ADARB2: variants seen among roughly 807,000 people sequenced by gnomAD.
ADARB2 encodes inactive double-stranded RNA-specific editase B2.
A neutral mutation model predicts 62.2 loss-of-function variants in ADARB2; 25 were observed. The observed-to-expected ratio is 0.40, with a 90% CI of 0.29 to 0.56. ADARB2 has a LOEUF of 0.56. ADARB2 is among the 20% of genes least tolerant of loss of function. ADARB2 has a pLI of 0.43. For missense variants in ADARB2, 1,071 were observed against 1,077.4 expected (o/e 0.99, Z 0.08); for synonymous variants, 572 against 500.8 (o/e 1.14, Z -1.90).
At chr10:1,306,313 C>T (rs1831628207) in intron 3 of ADARB2, among the ~76,000 whole-genome samples, 1 of 151,942 alleles carries the variant, frequency 6.6e-6, no homozygotes, top group South Asian at 2.1e-4. Flanking sequence ...TTCACAATTG[C>T]TTCAAAGACA....
At chr10:1,187,926 T>C (rs79072071) in intron 8 of ADARB2, 4,227 of 342,928 alleles carry the variant, frequency 0.012, 185 homozygotes, top group African/African-American at 0.08. Flanking sequence ...TCACCTGTGA[T>C]GACGTAAATC....
chr10:1,316,897 T>C (rs903310811), intron 3 of ADARB2, among the ~76,000 whole-genome samples: 1 of 152,240 alleles, frequency 6.6e-6, no homozygotes, highest in African/African-American at 2.4e-5. Flanking sequence ...TCCGGAGGCA[T>C]AAGGTTGCAG....
chr10:1,634,528 G>A (rs1172634051), intron 1 of ADARB2, among the ~76,000 whole-genome samples: 1 of 152,160 alleles, frequency 6.6e-6, no homozygotes, highest in East Asian at 1.9e-4. Flanking sequence ...GGAAGGATGT[G>A]TTTCTTCTGG....
intron 6 of ADARB2, among the ~76,000 whole-genome samples, chr10:1,226,295 C>A (rs1830744618): frequency 6.6e-6 from 1 of 152,146 alleles, no homozygotes; most frequent in Non-Finnish European, 1.5e-5. Context: ...ATTGGTTATT[C>A]AGTTATCCAT....
intron 1 of ADARB2, among the ~76,000 whole-genome samples, chr10:1,537,031 C>T (rs1180742708): frequency 2.0e-5 from 3 of 152,174 alleles, no homozygotes; most frequent in Non-Finnish European, 4.4e-5. Flanking sequence ...AGACAGCCTA[C>T]AGAATGGGAG....
At chr10:1,561,372 C>A (rs543566783) in intron 1 of ADARB2, among the ~76,000 whole-genome samples, 1 of 152,318 alleles carries the variant, frequency 6.6e-6, no homozygotes, top group South Asian at 2.1e-4. Context: ...CAAACTTGCT[C>A]ATTTCCTTGA....
At chr10:1,653,179 T>C (rs1207741572) in intron 1 of ADARB2, among the ~76,000 whole-genome samples, 1 of 152,238 alleles carries the variant, frequency 6.6e-6, no homozygotes, top group Non-Finnish European at 1.5e-5. Context: ...AGGGGAAATA[T>C]GGGGCTGCTG....
chr10:1,354,903 G>A (rs375740879), intron 3 of ADARB2, among the ~76,000 whole-genome samples: 3 of 152,290 alleles, frequency 2.0e-5, no homozygotes, highest in African/African-American at 7.2e-5. Context: ...ACCTTCCCAT[G>A]GGGAGCAAGA....
intron 1 of ADARB2, among the ~76,000 whole-genome samples, chr10:1,495,565 T>A (rs1831676971): frequency 6.6e-6 from 1 of 152,216 alleles, no homozygotes; most frequent in Non-Finnish European, 1.5e-5. Context: ...TAGAAAAGAT[T>A]TGGAGCTGCC....
At chr10:1,702,743 T>C (rs1441464842) in intron 1 of ADARB2, among the ~76,000 whole-genome samples, 1 of 152,222 alleles carries the variant, frequency 6.6e-6, no homozygotes, top group Non-Finnish European at 1.5e-5. Flanking sequence ...TCACTGGCAG[T>C]GCTCTCGCTG....
In ADARB2 at chr10:1,179,137, A is replaced by ATACTCT. The variant is rs10667837; in HGVS notation, c.*4055_*4056insAGAGTA. 3.3e-5 allele frequency: 5 copies of ATACTCT among 151,858 alleles called. No homozygotes were observed. The highest frequency in any genetic ancestry group is 7.3e-5 in the African/African-American group (3 of 41,218). The allele number at this position is 151,858 out of a possible 1,614,324, so 9.4% of individuals were successfully genotyped here. On this transcript the variant is annotated 3_prime_UTR_variant, in exon 10 of 10. Coordinates refer to ENST00000381312, the MANE Select transcript of ADARB2 (RefSeq NM_018702.4). ...TATCTAAAAATAGGATTTCATCAAA[A>ATACTCT]TAACTATTCTGGGCATTGATATCCT...
chr10:1,191,584 C>T (rs142760649), intron 8 of ADARB2, among the ~76,000 whole-genome samples: 44 of 152,244 alleles, frequency 2.9e-4, no homozygotes, highest in South Asian at 6.2e-4. Context: ...CGCTCACAGA[C>T]GCTTGTTAAA....
intron 1 of ADARB2, among the ~76,000 whole-genome samples, chr10:1,532,754 C>T (rs768602442): frequency 6.6e-6 from 1 of 152,178 alleles, no homozygotes; most frequent in Non-Finnish European, 1.5e-5. Context: ...GACTCTTCTC[C>T]CAGTGGGTCA....
In ADARB2 at chr10:1,259,063, G is replaced by A. The variant is rs1394272071; in HGVS notation, c.1192+11892C>T. On this transcript the variant is annotated intron_variant, in intron 4 of 9. Transcript: ENST00000381312. ...CCTGAATGACTACTGGGTAAATAAC[G>A]AAATGAAGGCAGAAATAAAGATGTT... Among the ~76,000 whole-genome samples the A allele has an allele frequency of 2.2e-4, 34 of 152,292 alleles. No homozygotes were observed. The East Asian group carries it at 6.0e-3, about 27-fold the overall frequency.
chr10:1,186,037 G>A (rs1464067121), intron 8 of ADARB2, among the ~76,000 whole-genome samples: 1 of 152,178 alleles, frequency 6.6e-6, no homozygotes, highest in African/African-American at 2.4e-5. Context: ...GGCACCTGCC[G>A]AGACCCTGCC....
At chr10:1,468,972 TG>T (rs1300841850) in intron 1 of ADARB2, among the ~76,000 whole-genome samples, 1 of 152,208 alleles carries the variant, frequency 6.6e-6, no homozygotes, top group Admixed American at 6.5e-5. Flanking sequence ...CTTGCCCAAG[TG>T]GCCCCGCTGG....
At chr10:1,619,825 T>G (rs574074675) in intron 1 of ADARB2, among the ~76,000 whole-genome samples, 2 of 152,312 alleles carry the variant, frequency 1.3e-5, no homozygotes, top group Non-Finnish European at 2.9e-5. Flanking sequence ...TCAATACATT[T>G]AATAGAACTG....
chr10:1,633,906 T>G (rs1448657193), intron 1 of ADARB2, among the ~76,000 whole-genome samples: 16 of 152,122 alleles, frequency 1.1e-4, no homozygotes, highest in Non-Finnish European at 1.8e-4. Context: ...CAGCACCATG[T>G]GAACCCGCAT....
At chr10:1,600,338 T>C (rs982057854) in intron 1 of ADARB2, among the ~76,000 whole-genome samples, 3 of 152,042 alleles carry the variant, frequency 2.0e-5, no homozygotes, top group Non-Finnish European at 4.4e-5. Flanking sequence ...AATCCTATTG[T>C]TAACACCTGA....
Sources: gnomAD v4.1 joint callset for allele counts (sites outside exome capture counted in the v4.1 genomes callset) on GRCh38, gnomAD v4.1.1 for gene constraint, MANE v1.5 for transcripts, NCBI Gene and HGNC (gene_info 2026-07-23, HGNC 2026-07-21) for gene names.